SGCZ: variants seen among roughly 807,000 people sequenced by gnomAD.
SGCZ encodes sarcoglycan zeta.
SGCZ carries 40 observed loss-of-function variants against 41.3 expected under a neutral mutation model. That is an observed-to-expected ratio of 0.97 (90% CI 0.75 to 1.26). The LOEUF (loss-of-function observed/expected upper bound fraction) is 1.26, where lower values mean the gene tolerates loss of function less well. SGCZ is among the 50% of genes most tolerant of loss of function. The pLI, the probability that SGCZ is intolerant of heterozygous loss-of-function variation, is 0.00. For missense variants in SGCZ, 552 were observed against 369.8 expected (o/e 1.49, Z -4.04); for synonymous variants, 206 against 137.5 (o/e 1.50, Z -3.49).
intron 3 of SGCZ, among the ~76,000 whole-genome samples, chr8:14,241,317 T>C (rs1798877227): frequency 6.6e-6 from 1 of 151,442 alleles, no homozygotes; most frequent in African/African-American, 2.4e-5. Flanking sequence ...ATTTTGTTGA[T>C]ATTTTCTCAT....
chr8:14,680,667 T>C (rs1808413136), intron 1 of SGCZ, among the ~76,000 whole-genome samples: 1 of 149,640 alleles, frequency 6.7e-6, no homozygotes, highest in South Asian at 2.1e-4. Context: ...GAGACATAGA[T>C]TGTACGGAGC....
chr8:14,546,630 C>A (rs1406433091), intron 2 of SGCZ, among the ~76,000 whole-genome samples: 1 of 152,076 alleles, frequency 6.6e-6, no homozygotes, highest in African/African-American at 2.4e-5. Context: ...TAGGTACATT[C>A]TTCCATTTAA....
chr8:15,142,454 C>T (rs568834963), intron 1 of SGCZ, among the ~76,000 whole-genome samples: 1 of 152,136 alleles, frequency 6.6e-6, no homozygotes, highest in East Asian at 1.9e-4. Flanking sequence ...ATGTTTCTTT[C>T]AAGTCCTTTA....
At chr8:14,972,378 T>A (rs1801328758) in intron 1 of SGCZ, among the ~76,000 whole-genome samples, 1 of 152,180 alleles carries the variant, frequency 6.6e-6, no homozygotes, top group Non-Finnish European at 1.5e-5. Flanking sequence ...CATGTTTTAC[T>A]GTTAACTTAG....
intron 4 of SGCZ, among the ~76,000 whole-genome samples, chr8:14,217,285 G>C (rs1563191589): frequency 1.9e-5 from 2 of 105,670 alleles, no homozygotes; most frequent in South Asian, 7.2e-4. Context: ...ATCAGAGTGA[G>C]ACTCCATCTC....
intron 1 of SGCZ, among the ~76,000 whole-genome samples, chr8:14,928,343 G>C (rs1325105522): frequency 6.6e-6 from 1 of 152,094 alleles, no homozygotes; most frequent in Non-Finnish European, 1.5e-5. Flanking sequence ...CCATAAATAT[G>C]TCTGTGCTCA....
At chr8:15,216,887 T>C (rs989244947) in intron 1 of SGCZ, among the ~76,000 whole-genome samples, 4 of 152,066 alleles carry the variant, frequency 2.6e-5, no homozygotes, top group Non-Finnish European at 4.4e-5. Flanking sequence ...AAAAGAGTTA[T>C]AGAGAGATTT....
chr8:14,692,760 G>T (rs1463934789), intron 1 of SGCZ, among the ~76,000 whole-genome samples: 1 of 152,100 alleles, frequency 6.6e-6, no homozygotes, highest in Middle Eastern at 3.2e-3. Flanking sequence ...CACCTAAATT[G>T]TATCTTTCGG....
intron 1 of SGCZ, among the ~76,000 whole-genome samples, chr8:14,568,971 A>T (rs1804467741): frequency 6.6e-6 from 1 of 152,166 alleles, no homozygotes; most frequent in Admixed American, 6.5e-5. Flanking sequence ...AGTTATAGAC[A>T]TTTTTTTATT....
At chr8:15,189,209 G>C (rs532743116) in intron 1 of SGCZ, among the ~76,000 whole-genome samples, 2 of 152,282 alleles carry the variant, frequency 1.3e-5, no homozygotes, top group East Asian at 1.9e-4. Context: ...CACATTTTAA[G>C]AGTAAACAAA....
intron 1 of SGCZ, among the ~76,000 whole-genome samples, chr8:15,061,453 G>A (rs868022501): frequency 5.3e-5 from 8 of 150,628 alleles, no homozygotes; most frequent in African/African-American, 1.7e-4. Context: ...GATGGGTCCA[G>A]CAAACCACCA....
intron 2 of SGCZ, among the ~76,000 whole-genome samples, chr8:14,377,929 T>G (rs112046641): frequency 1.1e-4 from 16 of 150,584 alleles, no homozygotes; most frequent in African/African-American, 4.0e-4. Flanking sequence ...CAGTCTATCA[T>G]CGTTGGACAT....
chr8:14,949,642 G>C (rs1047536118), intron 1 of SGCZ, among the ~76,000 whole-genome samples: 10 of 152,054 alleles, frequency 6.6e-5, no homozygotes, highest in South Asian at 2.1e-4. Context: ...GTGAATTCTG[G>C]AGGTCATTTT....
intron 1 of SGCZ, among the ~76,000 whole-genome samples, chr8:15,156,527 CACTA>C: frequency 6.6e-6 from 1 of 152,282 alleles, no homozygotes; most frequent in East Asian, 1.9e-4. Context: ...TGCTGTTTTT[CACTA>C]ACTTTCTTTC....
At chr8:14,483,624 T>C (rs1585575854) in intron 2 of SGCZ, among the ~76,000 whole-genome samples, 1 of 152,330 alleles carries the variant, frequency 6.6e-6, no homozygotes, top group Non-Finnish European at 1.5e-5. Context: ...TATTCATTTT[T>C]GGCCATGTAA....
chr8:14,956,704 A>T (rs928868550), intron 1 of SGCZ, among the ~76,000 whole-genome samples: 1 of 152,208 alleles, frequency 6.6e-6, no homozygotes, highest in Non-Finnish European at 1.5e-5. Flanking sequence ...AAGTCATCAT[A>T]CAACTAAATT....
At chr8:14,380,831 C>A (rs548063004) in intron 2 of SGCZ, among the ~76,000 whole-genome samples, 28 of 152,158 alleles carry the variant, frequency 1.8e-4, no homozygotes, top group Middle Eastern at 3.4e-3. Context: ...TGCACTCCAG[C>A]CTGGGCAACA....
intron 1 of SGCZ, among the ~76,000 whole-genome samples, chr8:15,111,677 G>A (rs967625352): frequency 3.9e-5 from 6 of 152,052 alleles, no homozygotes; most frequent in African/African-American, 1.2e-4. Context: ...CGAGGTGGGC[G>A]GATCACGAGG....
intron 1 of SGCZ, among the ~76,000 whole-genome samples, chr8:14,802,862 G>A (rs1801371382): frequency 6.6e-6 from 1 of 152,092 alleles, no homozygotes; most frequent in Non-Finnish European, 1.5e-5. Flanking sequence ...TCCTGTTACA[G>A]GCACTCAACT....
Sources: gnomAD v4.1 joint callset for allele counts (sites outside exome capture counted in the v4.1 genomes callset) on GRCh38, gnomAD v4.1.1 for gene constraint, MANE v1.5 for transcripts, NCBI Gene and HGNC (gene_info 2026-07-23, HGNC 2026-07-21) for gene names.